The following TIAM1 variants were observed in gnomAD, a reference collection of about 807,000 sequenced individuals.
TIAM1 encodes the protein TIAM Rac1 associated GEF 1, also known as rho guanine nucleotide exchange factor TIAM1.
TIAM1 carries 65 observed loss-of-function variants against 163.5 expected under a neutral mutation model. The ratio of observed to expected loss-of-function variants is 0.40; its 90% CI spans 0.33 to 0.49. The LOEUF is 0.49. Ranked by LOEUF, TIAM1 falls within the 20% of genes least tolerant of loss-of-function variation. The pLI, the probability that TIAM1 is intolerant of heterozygous loss-of-function variation, is 0.77. For synonymous variants in TIAM1, 833 were observed against 810.1 expected, an observed-to-expected ratio of 1.03 and a Z score of -0.48; for missense variants, 1,789 against 2,044.7, an observed-to-expected ratio of 0.87 and a Z score of 2.41.
chr21:31,201,472 G>A (rs998905045), intron 12 of TIAM1, among the ~76,000 whole-genome samples: 1 of 152,116 alleles, frequency 6.6e-6, no homozygotes, highest in African/African-American at 2.4e-5. Flanking sequence ...AGGGGCACAA[G>A]GTAACTTTTC....
intron 2 of TIAM1, among the ~76,000 whole-genome samples, chr21:31,284,371 G>A (rs929316623): frequency 2.0e-5 from 3 of 152,124 alleles, no homozygotes; most frequent in Non-Finnish European, 4.4e-5. Context: ...CCCTTGGACA[G>A]AGCTGCCTCC....
Position 31,301,415 on chromosome 21 carries a change from G to A in TIAM1, c.-188-24507C>T, listed in dbSNP as rs182157707. 1.7e-3 allele frequency among the ~76,000 whole-genome samples: 260 copies of A among 152,266 alleles called. 5 individuals are homozygous for A. The South Asian group carries it at 0.029, about 17-fold the overall frequency. On this transcript the variant is annotated intron_variant, in intron 2 of 27. Transcript: ENST00000541036. The stretch of plus-strand genomic sequence containing the variant: ...GGGTATTAAAACAAGACACCATTGG[G>A]ATTCTACAGCACAAAAGACCAGACA...
intron 1 of TIAM1, among the ~76,000 whole-genome samples, chr21:31,533,841 G>T (rs2048043520): frequency 6.6e-6 from 1 of 152,198 alleles, no homozygotes; most frequent in Non-Finnish European, 1.5e-5. Context: ...TCCCAATTCA[G>T]ACTAGCCACA....
At chr21:31,480,827 T>C (rs2046086834) in intron 1 of TIAM1, among the ~76,000 whole-genome samples, 1 of 152,198 alleles carries the variant, frequency 6.6e-6, no homozygotes, top group Non-Finnish European at 1.5e-5. Flanking sequence ...AATCTTGGCT[T>C]ACTGCAACCT....
intron 2 of TIAM1, among the ~76,000 whole-genome samples, chr21:31,353,185 G>C (rs992560420): frequency 6.6e-6 from 1 of 152,122 alleles, no homozygotes; most frequent in Non-Finnish European, 1.5e-5. Context: ...AACCAAAAAG[G>C]GTCAGATATG....
chr21:31,414,206 G>A (rs1313771831), intron 2 of TIAM1, among the ~76,000 whole-genome samples: 6 of 152,154 alleles, frequency 3.9e-5, no homozygotes, highest in Non-Finnish European at 8.8e-5. Flanking sequence ...TGTGACAGCG[G>A]AACATACAAG....
chr21:31,415,230 G>A (rs2043331260), intron 2 of TIAM1, among the ~76,000 whole-genome samples: 2 of 152,148 alleles, frequency 1.3e-5, no homozygotes, highest in Non-Finnish European at 2.9e-5. Context: ...CACAAGGTCA[G>A]GAATCCTCAG....
rs2146186528 is a variant in TIAM1, at chr21:31,118,636, T to A, written c.*1732A>T. The A allele has an allele frequency of 2.1e-6, 1 of 471,290 alleles. No individual in the cohort carries two copies. Among genetic ancestry groups the A allele is most frequent in the East Asian group, 6.9e-5 (1 of 14,390 alleles). The allele number at this position is 471,290 out of a possible 1,614,324, so 29.2% of individuals were successfully genotyped here. A position where few individuals can be genotyped will look rare whatever the true frequency, so the allele number is the denominator to read the frequency against. ...GATGTGTTGCACTGGAGCCAGTAAA[T>A]GCGACGATTAGAAGCCTCTGCTTCC... On this transcript the variant is annotated 3_prime_UTR_variant, in exon 28 of 28. Transcript: ENST00000541036.
At chr21:31,470,524 G>T (rs1232172771) in intron 1 of TIAM1, among the ~76,000 whole-genome samples, 1 of 150,962 alleles carries the variant, frequency 6.6e-6, no homozygotes, top group Non-Finnish European at 1.5e-5. Flanking sequence ...GTAGAGACAG[G>T]GTTTCACCAT....
In TIAM1 at chr21:31,120,180, C is replaced by T. The variant is rs746856198; in HGVS notation, c.*188G>A. The T allele has an allele frequency of 5.2e-6, 3 of 572,778 alleles. No individual in the cohort carries two copies. The highest frequency in any genetic ancestry group is 9.2e-6 in the Non-Finnish European group (3 of 326,720). 35.5% of individuals were successfully genotyped at this position (572,778 alleles called of 1,614,324 possible). A position where few individuals can be genotyped will look rare whatever the true frequency, so the allele number is the denominator to read the frequency against. ...ACTCAAGCTTATTTGGGATTCTGAT[C>T]AATTCTTTCTGATGTTGTTGAAAAT... On this transcript the variant is annotated 3_prime_UTR_variant, in exon 28 of 28. Transcript: ENST00000541036. The surrounding 1 kb of genome is among the most constrained non-coding windows in gnomAD (Gnocchi z 4.2).
At chr21:31,160,607 T>G (rs1463232310) in intron 16 of TIAM1, 7 of 398,258 alleles carry the variant, frequency 1.8e-5, no homozygotes, top group African/African-American at 1.2e-4. Context: ...TTTCTTAAAA[T>G]ATTCCCAGAG....
At chr21:31,339,048 G>T (rs1453906197) in intron 2 of TIAM1, among the ~76,000 whole-genome samples, 195 bp downstream of exon 2, 1 of 152,154 alleles carries the variant, frequency 6.6e-6, no homozygotes, top group Non-Finnish European at 1.5e-5. Context: ...AATGGGAAAG[G>T]TTCCCAGGAA....
chr21:31,311,524 G>A (rs998795096), intron 2 of TIAM1, among the ~76,000 whole-genome samples: 1 of 152,154 alleles, frequency 6.6e-6, no homozygotes, highest in Non-Finnish European at 1.5e-5. Flanking sequence ...TGCCAAAACA[G>A]CTCCATTTCT....
At chr21:31,394,628 C>T (rs141447716) in intron 2 of TIAM1, among the ~76,000 whole-genome samples, 103 of 151,756 alleles carry the variant, frequency 6.8e-4, no homozygotes, top group African/African-American at 2.1e-3. Context: ...AGGAACTCTG[C>T]GCTTTCCACC....
At chr21:31,503,737 C>A (rs1001674931) in intron 1 of TIAM1, among the ~76,000 whole-genome samples, 1 of 150,976 alleles carries the variant, frequency 6.6e-6, no homozygotes, top group Non-Finnish European at 1.5e-5. Context: ...TCAGGACCCA[C>A]AATACCTCTT....
chr21:31,237,793 A>C (rs1395925814), intron 6 of TIAM1, among the ~76,000 whole-genome samples: 1 of 152,204 alleles, frequency 6.6e-6, no homozygotes, highest in Non-Finnish European at 1.5e-5. Context: ...ACAAATTAAT[A>C]ACTAATATTA....
intron 26 of TIAM1, among the ~76,000 whole-genome samples, chr21:31,125,221 TAAA>T (rs397866589): frequency 9.4e-5 from 13 of 137,786 alleles, no homozygotes; most frequent in Admixed American, 1.5e-4. Flanking sequence ...TTCTCATGGT[TAAA>T]AAAAAAAAAA....
Position 31,405,055 on chromosome 21 carries a change from G to A in TIAM1, c.-369+58928C>T, listed in dbSNP as rs558578044. ...CCAGGAGTTTGAGACCAACCTGGGC[G>A]AGAGAGTGAGACCCCCTCATCTCTA... On this transcript the variant is annotated intron_variant, in intron 2 of 28. Coordinates refer to the TIAM1 transcript ENST00000286827. Among the ~76,000 whole-genome samples the A allele has an allele frequency of 1.2e-4, 18 of 150,534 alleles. No individual in the cohort carries two copies. The South Asian group carries it at 3.4e-3, about 28-fold the overall frequency.
chr21:31,348,207 C>T (rs181650598), upstream of TIAM1, among the ~76,000 whole-genome samples: 7 of 152,258 alleles, frequency 4.6e-5, no homozygotes, highest in Admixed American at 3.3e-4. Context: ...CTGGATTGCT[C>T]TTCAGGGGTC....
Sources: gnomAD v4.1 joint callset for allele counts (sites outside exome capture counted in the v4.1 genomes callset) on GRCh38, gnomAD v4.1.1 for gene constraint, Gnocchi (gnomAD v3.1) non-coding constraint, MANE v1.5 for transcripts, NCBI Gene and HGNC (gene_info 2026-07-23, HGNC 2026-07-21) for gene names.